The following TRPM6 variants were observed in gnomAD, a reference collection of about 807,000 sequenced individuals.
TRPM6 encodes the protein channel kinase 2.
A neutral mutation model predicts 247.6 loss-of-function variants in TRPM6; 111 were observed. That is an observed-to-expected ratio of 0.45 (90% CI 0.38 to 0.52). The LOEUF is 0.52. Among genes scored for constraint, TRPM6 ranks in the 20% least tolerant of loss-of-function variants. The probability of loss-of-function intolerance (pLI) is 0.00; values close to 1 mark genes in which losing one functional copy is unlikely to be tolerated. For synonymous variants in TRPM6, 892 were observed against 853.8 expected, an observed-to-expected ratio of 1.04 and a Z score of -0.78; for missense variants, 2,126 against 2,421.5, an observed-to-expected ratio of 0.88 and a Z score of 2.56.
chr9:74,734,731 G>C (rs541887394), intron 36 of TRPM6, among the ~76,000 whole-genome samples: 2 of 152,174 alleles, frequency 1.3e-5, no homozygotes, highest in Admixed American at 1.3e-4. Context: ...GTAAAATCAT[G>C]TTTCTGATTG....
chr9:74,885,275 G>A (rs560542263), intron 1 of TRPM6, among the ~76,000 whole-genome samples: 25 of 152,346 alleles, frequency 1.6e-4, no homozygotes, highest in Admixed American at 1.4e-3. Flanking sequence ...TAGGTAGGAT[G>A]CATGTAAGTG....
At chr9:74,779,088 G>A (rs13301139) in intron 23 of TRPM6, among the ~76,000 whole-genome samples, 25,279 of 152,140 alleles carry the variant, frequency 0.17, 2,749 homozygotes, top group Middle Eastern at 0.31. Context: ...ACCAGCCTGG[G>A]CAACATGGTG....
chr9:74,814,540 C>T (rs553824381), intron 11 of TRPM6, among the ~76,000 whole-genome samples: 1 of 152,106 alleles, frequency 6.6e-6, no homozygotes, highest in Admixed American at 6.6e-5. Context: ...ATGCCTGTAT[C>T]AAAATATCCC....
intron 6 of TRPM6, 145 bp downstream of exon 6, chr9:74,833,853 G>A (rs1829624332): frequency 1.9e-6 from 2 of 1,067,764 alleles, no homozygotes; most frequent in South Asian, 2.8e-5. Context: ...CTAAGACAGG[G>A]TGAGGGAAGC....
intron 1 of TRPM6, among the ~76,000 whole-genome samples, chr9:74,886,924 G>A (rs1831549283): frequency 6.6e-6 from 1 of 152,184 alleles, no homozygotes; most frequent in Non-Finnish European, 1.5e-5. Context: ...ATGAGCTAAC[G>A]TTTGCTAAGC....
At chr9:74,826,021 T>C (rs1386571191) in intron 7 of TRPM6, among the ~76,000 whole-genome samples, 7 of 151,834 alleles carry the variant, frequency 4.6e-5, no homozygotes, top group Non-Finnish European at 8.8e-5. Flanking sequence ...AAGAGTTAAG[T>C]GAACGACCAC....
chr9:74,870,589 T>C (rs1447566833), intron 1 of TRPM6, among the ~76,000 whole-genome samples: 1 of 152,198 alleles, frequency 6.6e-6, no homozygotes, highest in Non-Finnish European at 1.5e-5. Context: ...GCTGTCCAGC[T>C]ATAAAGTTTC....
intron 3 of TRPM6, 25 bp from the exon 4 acceptor site, chr9:74,842,368 C>T (rs754160022): frequency 6.2e-7 from 1 of 1,611,352 alleles, no homozygotes; most frequent in South Asian, 1.1e-5. Flanking sequence ...CAAAAAAAAA[C>T]TCAACTTCAA....
intron 9 of TRPM6, among the ~76,000 whole-genome samples, chr9:74,818,319 T>TTTTTTTTTTTTTG (rs1829017107): frequency 6.9e-6 from 1 of 145,910 alleles, no homozygotes; most frequent in African/African-American, 2.5e-5. Context: ...TTTTTTTTTT[T>TTTTTTTTTTTTTG]GAGACAGGGT....
intron 3 of TRPM6, among the ~76,000 whole-genome samples, chr9:74,850,434 G>A (rs1335403521): frequency 1.3e-5 from 2 of 148,574 alleles, no homozygotes; most frequent in East Asian, 4.1e-4. Flanking sequence ...AAAAACCAAC[G>A]TAAGGCCGGG....
intron 30 of TRPM6, among the ~76,000 whole-genome samples, chr9:74,749,178 C>T (rs746497287): frequency 3.3e-5 from 5 of 151,954 alleles, no homozygotes; most frequent in Non-Finnish European, 7.4e-5. Flanking sequence ...ATTTGCACAA[C>T]GATGAAATCA....
intron 23 of TRPM6, among the ~76,000 whole-genome samples, chr9:74,781,648 G>A (rs1827462341): frequency 6.6e-6 from 1 of 151,878 alleles, no homozygotes; most frequent in South Asian, 2.1e-4. Flanking sequence ...GAGAGAGAAA[G>A]AGAGAAAACA....
At chr9:74,792,818 A>T in intron 18 of TRPM6, 48 bp from the exon 19 acceptor site, 1 of 1,564,630 alleles carries the variant, frequency 6.4e-7, no homozygotes. Flanking sequence ...CTTAACTAAA[A>T]TAGTGACAAG....
chr9:74,865,073 C>CAAAAA (rs36103454), intron 1 of TRPM6, among the ~76,000 whole-genome samples: 1 of 123,114 alleles, frequency 8.1e-6, no homozygotes, highest in Non-Finnish European at 1.8e-5. Context: ...AATTCCCTCT[C>CAAAAA]AAAAAAAAAA....
intron 1 of TRPM6, among the ~76,000 whole-genome samples, chr9:74,876,107 G>A (rs1831184935): frequency 6.6e-6 from 1 of 152,112 alleles, no homozygotes; most frequent in East Asian, 1.9e-4. Context: ...TTTGGAGATG[G>A]ATTTTCGCTC....
intron 1 of TRPM6, among the ~76,000 whole-genome samples, chr9:74,884,386 G>A (rs1052750643): frequency 1.3e-5 from 2 of 152,058 alleles, no homozygotes; most frequent in Non-Finnish European, 2.9e-5. Flanking sequence ...CTACTCGGGA[G>A]GCTGAGGCAG....
intron 9 of TRPM6, 111 bp downstream of exon 9, chr9:74,820,193 G>T: frequency 2.4e-6 from 3 of 1,249,838 alleles, no homozygotes; most frequent in Non-Finnish European, 3.4e-6. Context: ...CCTGTATGTT[G>T]TTCCCCTTCC....
rs779576740 is a variant in TRPM6 at position 74,808,040 on chromosome 9, T to G, written c.1632A>C (p.Lys544Asn). ...FRALYNNLYRKYKHQRHSSGN... is the reference protein window; with the variant it reads ...FRALYNNLYRNYKHQRHSSGN... ...CACTTTTCAATTACTCTACCTTGTATTTTCTGTAGAGGTTGTTGTAGAGGG... is the reference window on the plus strand; with the variant it reads ...CACTTTTCAATTACTCTACCTTGTAGTTTCTGTAGAGGTTGTTGTAGAGGG... Residue 544 changes from lysine to asparagine, a missense_variant, in exon 14 of 39, where the codon AAA (lysine) becomes AAC (asparagine). This residue lies in a region of TRPM6 where 1,082 missense variants were observed against 1,307.9 expected (regional missense o/e 0.83). Coordinates refer to ENST00000360774, the MANE Select transcript of TRPM6 (RefSeq NM_017662.5). The G allele has an allele frequency of 2.5e-6, 4 of 1,613,914 alleles. No individual in the cohort carries two copies. In the South Asian group the frequency reaches 4.4e-5, roughly 18 times the overall value.
intron 13 of TRPM6, among the ~76,000 whole-genome samples, chr9:74,809,822 T>C (rs941150560): frequency 5.9e-5 from 9 of 151,520 alleles, no homozygotes; most frequent in African/African-American, 1.9e-4. Flanking sequence ...CTACCAAAAA[T>C]ACAGAAAAGT....
Sources: gnomAD v4.1 joint callset for allele counts (sites outside exome capture counted in the v4.1 genomes callset) on GRCh38, gnomAD v4.1.1 for gene constraint, gnomAD v4.1.1 regional missense constraint, MANE v1.5 for transcripts, NCBI Gene and HGNC (gene_info 2026-07-23, HGNC 2026-07-21) for gene names.